FAAP20: variants seen among roughly 807,000 people sequenced by gnomAD.
FAAP20 encodes the protein FA core complex associated protein 20, also known as Fanconi anemia core complex-associated protein 20.
A neutral mutation model predicts 16.2 loss-of-function variants in FAAP20; 12 were observed. The ratio of observed to expected loss-of-function variants is 0.74; its 90% CI spans 0.48 to 1.20. The LOEUF (loss-of-function observed/expected upper bound fraction) is 1.20. Among genes scored for constraint, FAAP20 ranks in the 50% most tolerant of loss-of-function variants. The pLI is 0.00. For missense variants in FAAP20, 288 were observed against 245.8 expected (o/e 1.17, Z -1.15); for synonymous variants, 141 against 110.7 (o/e 1.27, Z -1.72).
At chr1:2,207,678 G>C (rs184137206), downstream of FAAP20, 4 of 152,402 alleles carry the variant, frequency 2.6e-5, no homozygotes, top group African/African-American at 9.6e-5. Flanking sequence ...CCTGGCAGGA[G>C]CACTGCCCAG....
chr1:2,208,031 C>T (rs1356121117), downstream of FAAP20, among the ~76,000 whole-genome samples: 3 of 152,108 alleles, frequency 2.0e-5, no homozygotes, highest in Admixed American at 6.5e-5. Flanking sequence ...GACATGCGTG[C>T]GGTGTTTCCG....
chr1:2,199,772 T>C, upstream of FAAP20: 1 of 447,976 alleles, frequency 2.2e-6, no homozygotes, highest in Non-Finnish European at 3.0e-6. This position sits in a 1 kb window ranked among gnomAD's most constrained non-coding sequence, Gnocchi z 4.5. Context: ...GTGTGAGCAG[T>C]GTTCTTGTAA....
intron 3 of FAAP20, chr1:2,190,743 G>A (rs1273809264): frequency 1.3e-5 from 4 of 303,092 alleles, no homozygotes; most frequent in East Asian, 8.1e-5. Flanking sequence ...TCCCTCACAC[G>A]CCACTGCTGG....
chr1:2,193,586 G>T lies in FAAP20; in HGVS notation c.470+53C>A, dbSNP rs559286660. ...ACCTCTTGACCTTCTGAACGGCTGT[G>T]GTTTCCAAACACGGATGGATAACCG... On this transcript the variant is annotated intron_variant, in intron 3 of 3. Coordinates refer to ENST00000378546, the MANE Select transcript of FAAP20 (RefSeq NM_182533.4). 3.3e-4 allele frequency: 522 copies of T among 1,572,552 alleles called. 2 individuals carry two copies. In the Middle Eastern group the frequency reaches 3.9e-3, roughly 12 times the overall value.
downstream of FAAP20, among the ~76,000 whole-genome samples, chr1:2,188,330 C>G (rs1203334954): frequency 6.6e-6 from 1 of 152,246 alleles, no homozygotes. Context: ...TCCCCAGAAA[C>G]TCCGGATTTC....
chr1:2,211,744 C>T (rs1375100340), downstream of FAAP20, among the ~76,000 whole-genome samples: 46 of 143,164 alleles, frequency 3.2e-4, no homozygotes, highest in African/African-American at 7.4e-4. Flanking sequence ...CCACCGTGCC[C>T]GGCCAGTTTT....
upstream of FAAP20, chr1:2,203,677 CCT>C: frequency 1.0e-6 from 1 of 982,310 alleles, no homozygotes; most frequent in Non-Finnish European, 1.2e-6. Flanking sequence ...CTGGGCCTGT[CCT>C]CTCTGAGTTG....
At chr1:2,210,326 C>T (rs1689401903), downstream of FAAP20, among the ~76,000 whole-genome samples, 1 of 152,252 alleles carries the variant, frequency 6.6e-6, no homozygotes, top group African/African-American at 2.4e-5. Context: ...TGAGGGTCCT[C>T]TTTTCCCATC....
downstream of FAAP20, chr1:2,187,101 G>T: frequency 2.2e-6 from 1 of 451,996 alleles, no homozygotes; most frequent in Non-Finnish European, 4.6e-6. Context: ...GCGTGGGCGT[G>T]GTGCGGGGCA....
intron 3 of FAAP20, chr1:2,190,017 G>A (rs553792641): frequency 3.3e-6 from 2 of 609,760 alleles, no homozygotes; most frequent in Non-Finnish European, 6.0e-6. Context: ...GTCCGAGCTG[G>A]GGGTGGGGAA....
At chr1:2,201,328 C>T, upstream of FAAP20, 5 of 939,358 alleles carry the variant, frequency 5.3e-6, no homozygotes, top group Admixed American at 4.7e-5. Context: ...GAAGGCACAG[C>T]CTGGAAGGAC....
upstream of FAAP20, among the ~76,000 whole-genome samples, chr1:2,196,764 T>G (rs1264892151): frequency 8.5e-5 from 13 of 152,114 alleles, no homozygotes; most frequent in Admixed American, 8.5e-4. This position sits in a 1 kb window ranked among gnomAD's most constrained non-coding sequence, Gnocchi z 4.5. Flanking sequence ...CACCTGAGCC[T>G]AGGAGGCATA....
At chr1:2,207,909 CGTGTGTGTGTGTGTGTGTGTGTGT>C (rs58549960), downstream of FAAP20, among the ~76,000 whole-genome samples, 12 of 145,786 alleles carry the variant, frequency 8.2e-5, no homozygotes, top group Admixed American at 3.4e-4. Flanking sequence ...TGGTAACACC[CGTGTGTGTGTGTGTGTGTGTGTGT>C]GTGTGTGTGT....
At position 2,189,654 on chromosome 1, in the gene FAAP20, G is replaced by T; in HGVS notation, c.*55C>A. The T allele has an allele frequency of 6.8e-7, 1 of 1,462,600 alleles. No homozygotes were observed. The highest frequency in any genetic ancestry group is 9.5e-7 in the Non-Finnish European group (1 of 1,057,712). The allele number at this position is 1,462,600 out of a possible 1,614,324, so 90.6% of individuals were successfully genotyped here. Reference sequence around the variant, plus strand: ...GGGGGAGCCGAGAGGCGGGGCTGCTGGCGGGGGAGAGCGTGTCCGGGCGCC... The same window carrying T: ...GGGGGAGCCGAGAGGCGGGGCTGCTTGCGGGGGAGAGCGTGTCCGGGCGCC... On this transcript the variant is annotated 3_prime_UTR_variant, in exon 4 of 4. Transcript: ENST00000378546.
upstream of FAAP20, chr1:2,198,475 C>T (rs576116388): frequency 2.6e-5 from 11 of 416,332 alleles, no homozygotes; most frequent in South Asian, 4.3e-5. Context: ...CCTTCCACCG[C>T]GGAAGAACAA....
chr1:2,201,594 C>T (rs1009725863), upstream of FAAP20, among the ~76,000 whole-genome samples: 24 of 152,112 alleles, frequency 1.6e-4, no homozygotes, highest in Admixed American at 1.5e-3. Flanking sequence ...TGGTGCCGTG[C>T]GCCCATAGTC....
In FAAP20 at chr1:2,193,719, G is replaced by A. The variant is rs1417635520; in HGVS notation, c.390C>T (p.Pro130=). 6.3e-7 allele frequency: 1 copy of A among 1,591,638 alleles called. No homozygotes were observed. The highest frequency in any genetic ancestry group is 1.4e-5 in the African/African-American group (1 of 73,382). The change falls in exon 3 of 4, where the codon CCC becomes CCT. Residue 130 remains proline (P), a synonymous_variant. Coordinates refer to ENST00000378546, the MANE Select transcript of FAAP20 (RefSeq NM_182533.4). The part of the protein sequence containing the change: ...QRPAPDPCRA[P]RVEQQPSVEG... ...CCACAGACGGCTGCTGCTCCACCCT[G>A]GGGGCCCTGCAGGGATCAGGTGCCG...
At chr1:2,193,943 G>A (rs1688558087) in intron 2 of FAAP20, 33 bp from the exon 3 acceptor site, 2 of 1,612,142 alleles carry the variant, frequency 1.2e-6, no homozygotes, top group South Asian at 2.2e-5. Flanking sequence ...CTTGCCCAGC[G>A]ATGGCTCCCG....
At chr1:2,187,216 A>T (rs1324975314), downstream of FAAP20, 2 of 469,670 alleles carry the variant, frequency 4.3e-6, no homozygotes, top group Non-Finnish European at 8.9e-6. Flanking sequence ...ACTTTAATGG[A>T]AATGTTCACA....
Sources: allele counts gnomAD v4.1 joint callset (sites outside exome capture counted in the v4.1 genomes callset), GRCh38; gene constraint gnomAD v4.1.1; non-coding constraint Gnocchi (gnomAD v3.1); transcripts MANE v1.5; gene names NCBI Gene and HGNC (gene_info 2026-07-23, HGNC 2026-07-21).